The following DAAM2 variants were observed in gnomAD, a reference collection of about 807,000 sequenced individuals.
The protein encoded by DAAM2 is disheveled-associated activator of morphogenesis 2.
Under a neutral mutation model 120.7 loss-of-function variants are expected in DAAM2, and 39 were observed. The observed-to-expected ratio is 0.32, with a 90% CI of 0.25 to 0.42. The LOEUF (loss-of-function observed/expected upper bound fraction) is 0.42, where lower values mean the gene tolerates loss of function less well. DAAM2 is among the 10% of genes least tolerant of loss of function. The pLI is 1.00. For synonymous variants in DAAM2, 488 were observed against 524.9 expected (o/e 0.93, Z 0.96); for missense variants, 1,283 against 1,401.7 (o/e 0.92, Z 1.35).
At position 39,838,928 on chromosome 6, in the gene DAAM2, G is replaced by T. The variant is rs565026131; in HGVS notation, c.-56-17319G>T. Among the ~76,000 whole-genome samples the T allele has an allele frequency of 7.7e-4, 117 of 152,094 alleles. 1 individual carries two copies. The highest frequency in any genetic ancestry group is 2.6e-3 in the African/African-American group (107 of 41,450). On this transcript the variant is annotated intron_variant, in intron 1 of 24. Transcript: ENST00000274867. ...CCCACCTCGGCCTCCCAAAGTGCTG[G>T]GATTACAGGCGTGAGCCACCGTGCC...
intron 1 of DAAM2, among the ~76,000 whole-genome samples, chr6:39,808,229 G>C (rs550861574): frequency 6.6e-6 from 1 of 152,146 alleles, no homozygotes; most frequent in African/African-American, 2.4e-5. Context: ...AAACCAAACA[G>C]CAACTCTGTG....
At chr6:39,871,420 TG>T (rs377019325) in intron 8 of DAAM2, 85 bp from the exon 9 acceptor site, 19 of 1,251,524 alleles carry the variant, frequency 1.5e-5, no homozygotes, top group Non-Finnish European at 2.1e-5. Flanking sequence ...ATTTAGCCAG[TG>T]GGGGGCTCGA....
At chr6:39,884,555 T>C (rs1765285123) in intron 15 of DAAM2, 2 of 155,998 alleles carry the variant, frequency 1.3e-5, no homozygotes, top group Admixed American at 6.3e-5. Flanking sequence ...GCAGGGGATG[T>C]TGCCTTGCAA....
chr6:39,882,703 G>A (rs867412064), intron 14 of DAAM2, among the ~76,000 whole-genome samples: 5 of 150,146 alleles, frequency 3.3e-5, no homozygotes, highest in African/African-American at 7.4e-5. Context: ...TTCTGTGAGC[G>A]CACACACACA....
intron 1 of DAAM2, among the ~76,000 whole-genome samples, chr6:39,847,481 T>C (rs1301198947): frequency 6.6e-6 from 1 of 152,170 alleles, no homozygotes; most frequent in Non-Finnish European, 1.5e-5. Flanking sequence ...GATTTCCCTT[T>C]GGCCAGGAGC....
intron 1 of DAAM2, among the ~76,000 whole-genome samples, chr6:39,833,163 C>A (rs941429255): frequency 3.9e-5 from 6 of 152,230 alleles, no homozygotes; most frequent in Non-Finnish European, 8.8e-5. Flanking sequence ...CCCCTCCTCT[C>A]TTCTCTGGAG....
chr6:39,802,984 G>T (rs901183972), intron 1 of DAAM2, among the ~76,000 whole-genome samples: 2 of 152,060 alleles, frequency 1.3e-5, no homozygotes, highest in African/African-American at 4.8e-5. Flanking sequence ...TTTGTGTCTG[G>T]CTTCATTTGC....
intron 14 of DAAM2, 32 bp downstream of exon 14, chr6:39,879,509 T>C (rs747567230): frequency 2.5e-6 from 4 of 1,613,760 alleles, no homozygotes; most frequent in South Asian, 1.1e-5. Flanking sequence ...GGAGGGCCCA[T>C]TCTTCTACAG....
At chr6:39,891,241 C>A (rs1204393253) in intron 17 of DAAM2, 100 bp from the exon 18 acceptor site, 2 of 876,244 alleles carry the variant, frequency 2.3e-6, no homozygotes, top group African/African-American at 3.3e-5. Context: ...TTTCAAGGCA[C>A]CCTCCCCATC....
intron 1 of DAAM2, among the ~76,000 whole-genome samples, chr6:39,808,458 T>G (rs1390724163): frequency 1.3e-5 from 2 of 152,218 alleles, no homozygotes; most frequent in African/African-American, 4.8e-5. Context: ...CCTTCCCTTC[T>G]GATTTTCATT....
intron 7 of DAAM2, among the ~76,000 whole-genome samples, chr6:39,869,780 T>TTTAA (rs1554181763): frequency 6.1e-5 from 6 of 99,168 alleles, no homozygotes; most frequent in Non-Finnish European, 8.2e-5. Flanking sequence ...TTTTTTTTTT[T>TTTAA]AAAAACAATT....
chr6:39,836,452 T>A (rs2149243505), intron 1 of DAAM2, among the ~76,000 whole-genome samples: 1 of 152,322 alleles, frequency 6.6e-6, no homozygotes, highest in Admixed American at 6.5e-5. Flanking sequence ...GAGGTCATTA[T>A]TACTGTGATC....
intron 8 of DAAM2, among the ~76,000 whole-genome samples, chr6:39,870,763 T>C (rs1764627930): frequency 6.6e-6 from 1 of 152,202 alleles, no homozygotes; most frequent in Admixed American, 6.5e-5. Flanking sequence ...ATACTGGTAT[T>C]GGTTGTTGGG....
At chr6:39,848,046 G>C (rs1582668591) in intron 1 of DAAM2, among the ~76,000 whole-genome samples, 1 of 152,146 alleles carries the variant, frequency 6.6e-6, no homozygotes, top group East Asian at 1.9e-4. Flanking sequence ...CGTTGTGCCA[G>C]GTTCTCACTC....
intron 1 of DAAM2, among the ~76,000 whole-genome samples, chr6:39,810,041 C>T (rs1489355466): frequency 6.6e-6 from 1 of 152,194 alleles, no homozygotes; most frequent in Non-Finnish European, 1.5e-5. Context: ...ATCTGCATTC[C>T]AGGCAGGAAG....
At position 39,878,088 on chromosome 6, in the gene DAAM2, C is replaced by A; in HGVS notation, c.1302-115C>A. On this transcript the variant is annotated intron_variant, in intron 11 of 24. Coordinates refer to ENST00000274867, the MANE Select transcript of DAAM2 (RefSeq NM_001201427.2). The surrounding 1 kb of genome is among the most constrained non-coding windows in gnomAD (Gnocchi z 5.0). ...CTAAATCCTAGCCCCCTTGATGTGG[C>A]TGGACAGATTGGAGACCAGGGTCCC... 9.3e-7 allele frequency: 1 copy of A among 1,069,760 alleles called. No individual in the cohort carries two copies. The highest frequency in any genetic ancestry group is 1.4e-6 in the Non-Finnish European group (1 of 723,598). The allele number at this position is 1,069,760 out of a possible 1,614,324, so 66.3% of individuals were successfully genotyped here.
At chr6:39,845,169 ACAC>A (rs1289069334) in intron 1 of DAAM2, among the ~76,000 whole-genome samples, 3 of 148,814 alleles carry the variant, frequency 2.0e-5, no homozygotes, top group African/African-American at 7.4e-5. Context: ...ACACATACAC[ACAC>A]CACACACATA....
chr6:39,809,111 C>T (rs756569988), intron 1 of DAAM2, among the ~76,000 whole-genome samples: 2 of 152,144 alleles, frequency 1.3e-5, no homozygotes, highest in Admixed American at 6.5e-5. Context: ...ACCAGGAAGC[C>T]GTTAGTGCTT....
At chr6:39,803,345 G>A (rs1468202143) in intron 1 of DAAM2, among the ~76,000 whole-genome samples, 3 of 152,228 alleles carry the variant, frequency 2.0e-5, no homozygotes, top group African/African-American at 7.2e-5. Context: ...AGGCTTGACA[G>A]TGATATACAG....
Sources: allele counts gnomAD v4.1 joint callset (sites outside exome capture counted in the v4.1 genomes callset), GRCh38; gene constraint gnomAD v4.1.1; non-coding constraint Gnocchi (gnomAD v3.1); transcripts MANE v1.5; gene names NCBI Gene and HGNC (gene_info 2026-07-23, HGNC 2026-07-21).